Variants in LRRC4C observed in about 807,000 individuals in gnomAD.
LRRC4C encodes the protein leucine rich repeat containing 4C, also known as leucine-rich repeat-containing protein 4C.
A neutral mutation model predicts 33.6 loss-of-function variants in LRRC4C; 5 were observed. The observed-to-expected ratio is 0.15, with a 90% CI of 0.08 to 0.31. The LOEUF is 0.31. Among genes scored for constraint, LRRC4C ranks in the 10% least tolerant of loss-of-function variants. LRRC4C has a pLI of 1.00. For synonymous variants in LRRC4C, 329 were observed against 302.0 expected (o/e 1.09, Z -0.93); for missense variants, 560 against 796.7 (o/e 0.70, Z 3.58).
intron 2 of LRRC4C, among the ~76,000 whole-genome samples, chr11:40,684,820 TAAG>T (rs1944877256): frequency 6.6e-6 from 1 of 151,822 alleles, no homozygotes; most frequent in Non-Finnish European, 1.5e-5. Context: ...ACAATGAAAA[TAAG>T]GAGCTAAAAT....
chr11:40,253,867 C>T (rs1866983856), intron 4 of LRRC4C, among the ~76,000 whole-genome samples: 2 of 152,106 alleles, frequency 1.3e-5, no homozygotes, highest in Admixed American at 1.3e-4. Context: ...TTATAAAGTG[C>T]TTATCATACG....
At chr11:41,328,532 G>A (rs553608851) in intron 1 of LRRC4C, among the ~76,000 whole-genome samples, 6 of 152,058 alleles carry the variant, frequency 3.9e-5, no homozygotes, top group African/African-American at 9.7e-5. Context: ...CTGTCAACAC[G>A]CTCCTTACTG....
chr11:41,404,499 TACACACAGACAC>T (rs1292120738), intron 1 of LRRC4C, among the ~76,000 whole-genome samples: 6 of 137,966 alleles, frequency 4.3e-5, no homozygotes, highest in Admixed American at 2.2e-4. Flanking sequence ...TGTGTGTGTA[TACACACAGACAC>T]ACACACAGAC....
chr11:40,985,455 A>C (rs1852930839), intron 1 of LRRC4C, among the ~76,000 whole-genome samples: 1 of 152,008 alleles, frequency 6.6e-6, no homozygotes, highest in African/African-American at 2.4e-5. Context: ...ATTGGGGTTA[A>C]AAAAAGAAAG....
intron 1 of LRRC4C, among the ~76,000 whole-genome samples, chr11:41,167,167 A>G (rs1162972362): frequency 6.6e-6 from 1 of 152,214 alleles, no homozygotes; most frequent in African/African-American, 2.4e-5. Flanking sequence ...ATACCAGAAC[A>G]TTTCAAAAAT....
At chr11:41,171,495 G>A (rs868265219) in intron 1 of LRRC4C, among the ~76,000 whole-genome samples, 13 of 151,302 alleles carry the variant, frequency 8.6e-5, no homozygotes, top group African/African-American at 2.9e-4. Context: ...GAAAGCTATC[G>A]GAAGGACAAA....
chr11:40,971,007 A>G (rs1375398504), intron 1 of LRRC4C, among the ~76,000 whole-genome samples: 1 of 152,220 alleles, frequency 6.6e-6, no homozygotes, highest in East Asian at 1.9e-4. Flanking sequence ...CAAAGAAATG[A>G]CCTGAAACTG....
chr11:40,961,605 T>G (rs1850982580), intron 1 of LRRC4C, among the ~76,000 whole-genome samples: 1 of 151,718 alleles, frequency 6.6e-6, no homozygotes, highest in Non-Finnish European at 1.5e-5. Context: ...TTTTCAGGGT[T>G]TCATTTGCAT....
chr11:40,282,558 T>C (rs1409510769), intron 4 of LRRC4C, among the ~76,000 whole-genome samples: 1 of 152,076 alleles, frequency 6.6e-6, no homozygotes, highest in Non-Finnish European at 1.5e-5. Context: ...TCTGCTATTA[T>C]TAGAGATTAA....
chr11:41,016,653 A>T (rs1855602810), intron 1 of LRRC4C, among the ~76,000 whole-genome samples: 1 of 152,180 alleles, frequency 6.6e-6, no homozygotes. Flanking sequence ...TTCAGCCATG[A>T]GATGTCAAGG....
intron 2 of LRRC4C, among the ~76,000 whole-genome samples, chr11:40,787,400 C>G (rs1344761982): frequency 3.9e-5 from 6 of 152,116 alleles, no homozygotes; most frequent in Non-Finnish European, 7.3e-5. Flanking sequence ...TGCTTGCTGA[C>G]AAGTGAGAGG....
At chr11:40,168,941 G>A (rs773596728) in intron 5 of LRRC4C, among the ~76,000 whole-genome samples, 10 of 152,062 alleles carry the variant, frequency 6.6e-5, no homozygotes, top group Middle Eastern at 6.8e-3. Context: ...CTCTTATAAG[G>A]GAATAGACTA....
chr11:41,139,045 CA>C (rs1238874350), intron 1 of LRRC4C, among the ~76,000 whole-genome samples: 12 of 151,584 alleles, frequency 7.9e-5, no homozygotes, highest in Non-Finnish European at 1.8e-4. Context: ...TTTTGTTTTA[CA>C]AAAAAGTATG....
chr11:40,717,273 ATTTT>A (rs59205744), intron 2 of LRRC4C, among the ~76,000 whole-genome samples: 173 of 141,542 alleles, frequency 1.2e-3, no homozygotes, highest in African/African-American at 4.2e-3. Context: ...ATGTATGTGT[ATTTT>A]TTTTTTTTTT....
chr11:41,334,193 T>C (rs1565589984), intron 1 of LRRC4C, among the ~76,000 whole-genome samples: 1 of 152,202 alleles, frequency 6.6e-6, no homozygotes, highest in Non-Finnish European at 1.5e-5. Flanking sequence ...TTTCATAGCA[T>C]AGTATATATA....
chr11:40,776,610 A>AT (rs923557594), intron 2 of LRRC4C, among the ~76,000 whole-genome samples: 2 of 151,092 alleles, frequency 1.3e-5, no homozygotes, highest in African/African-American at 2.4e-5. Context: ...GCTTATTTGG[A>AT]TTTTTTTCTC....
chr11:41,067,658 T>C (rs1222626384), intron 1 of LRRC4C, among the ~76,000 whole-genome samples: 1 of 152,282 alleles, frequency 6.6e-6, no homozygotes, highest in East Asian at 1.9e-4. Context: ...GACCACATAA[T>C]TGGAAGTAAA....
chr11:40,229,397 C>T (rs377047710), intron 5 of LRRC4C, among the ~76,000 whole-genome samples: 7 of 152,012 alleles, frequency 4.6e-5, no homozygotes, highest in African/African-American at 7.2e-5. Flanking sequence ...CTCAGCCTCT[C>T]GAGTAGCTGG....
At chr11:40,696,759 T>TATCTGAGTATATATATAC in intron 2 of LRRC4C, among the ~76,000 whole-genome samples, 1 of 139,890 alleles carries the variant, frequency 7.1e-6, no homozygotes, top group South Asian at 2.2e-4. Context: ...TATATATATA[T>TATCTGAGTATATATATAC]ATATATATAT....
Sources: allele counts gnomAD v4.1 joint callset (sites outside exome capture counted in the v4.1 genomes callset), GRCh38; gene constraint gnomAD v4.1.1; transcripts MANE v1.5; gene names NCBI Gene and HGNC (gene_info 2026-07-23, HGNC 2026-07-21).